OSBPL8: variants seen among roughly 807,000 people sequenced by gnomAD.
The protein encoded by OSBPL8 is oxysterol binding protein like 8.
In OSBPL8, 59 loss-of-function variants were observed where a neutral mutation model predicts 125.5. The ratio of observed to expected loss-of-function variants is 0.47; its 90% CI spans 0.38 to 0.58. OSBPL8 has a LOEUF of 0.58. Ranked by LOEUF, OSBPL8 falls within the 20% of genes least tolerant of loss-of-function variation. OSBPL8 has a pLI of 0.00. For synonymous variants in OSBPL8, 330 were observed against 338.9 expected (o/e 0.97, Z 0.29); for missense variants, 758 against 1,047.8 (o/e 0.72, Z 3.82).
intron 4 of OSBPL8, among the ~76,000 whole-genome samples, chr12:76,437,703 T>C (rs573120342): frequency 1.4e-3 from 208 of 152,306 alleles, no homozygotes; most frequent in Middle Eastern, 6.8e-3. Context: ...TGTTGAGATA[T>C]GGATTCAAAA....
intron 22 of OSBPL8, among the ~76,000 whole-genome samples, chr12:76,357,943 T>A (rs1301032756): frequency 6.6e-6 from 1 of 152,174 alleles, no homozygotes; most frequent in Non-Finnish European, 1.5e-5. Context: ...ACACATTATC[T>A]GACTCGAATA....
intron 4 of OSBPL8, among the ~76,000 whole-genome samples, chr12:76,438,422 G>A (rs1871770012): frequency 6.6e-6 from 1 of 151,264 alleles, no homozygotes; most frequent in Admixed American, 6.6e-5. Context: ...TCCCACCTTA[G>A]CCTCCCAAGT....
At chr12:76,512,318 G>A (rs1881083137) in intron 1 of OSBPL8, among the ~76,000 whole-genome samples, 1 of 152,118 alleles carries the variant, frequency 6.6e-6, no homozygotes, top group South Asian at 2.1e-4. Flanking sequence ...TCTTTTTTAT[G>A]GCTGTATAAT....
intron 6 of OSBPL8, 68 bp from the exon 7 acceptor site, chr12:76,400,042 G>A: frequency 8.3e-7 from 1 of 1,200,496 alleles, no homozygotes; most frequent in Non-Finnish European, 1.2e-6. Flanking sequence ...TAAGTTCAGG[G>A]GTACAAATGC....
intron 2 of OSBPL8, among the ~76,000 whole-genome samples, chr12:76,478,805 G>T (rs1341885975): frequency 2.6e-5 from 4 of 152,146 alleles, no homozygotes; most frequent in Non-Finnish European, 5.9e-5. Flanking sequence ...AGTGTAACAG[G>T]CCGGGCACAG....
At chr12:76,386,386 T>A in intron 13 of OSBPL8, 120 bp from the exon 14 acceptor site, 3 of 1,365,934 alleles carry the variant, frequency 2.2e-6, no homozygotes, top group Non-Finnish European at 2.9e-6. Context: ...AATTTCAAAG[T>A]AAATAAAATT....
At chr12:76,447,704 T>C (rs971554667) in intron 4 of OSBPL8, among the ~76,000 whole-genome samples, 2 of 152,114 alleles carry the variant, frequency 1.3e-5, no homozygotes, top group Non-Finnish European at 2.9e-5. Flanking sequence ...CCACCAAGCC[T>C]GGCTAATTTT....
rs1238387803 is a variant in OSBPL8 at position 76,450,965 on chromosome 12, A to T, written c.103T>A (p.Ser35Thr). ...ATCTTTCCTGGTGTCAGAAGCTGAG[A>T]TTCGTCACTGTTTGCTACAACAGCT... ...PSTVVANSDE[S>T]QLLTPGKMSQ... is the part of the protein sequence containing the mutation. Residue 35 changes from serine (S) to threonine (T), a missense_variant, in exon 4 of 24, where the codon TCT (serine) becomes ACT (threonine). Physicochemically the swap from Ser to Thr is moderately conservative, Grantham distance 58. This residue lies in a region of OSBPL8 where 117 missense variants were observed against 137.1 expected (regional missense o/e 0.85). Transcript: ENST00000261183. The T allele has an allele frequency of 1.9e-6, 3 of 1,613,690 alleles. No homozygotes were observed. Among genetic ancestry groups the T allele is most frequent in the Non-Finnish European group, 2.5e-6 (3 of 1,179,874 alleles).
intron 1 of OSBPL8, among the ~76,000 whole-genome samples, chr12:76,528,278 G>C (rs1950233770): frequency 7.0e-6 from 1 of 142,200 alleles, no homozygotes; most frequent in Non-Finnish European, 1.5e-5. Flanking sequence ...AGTGAGCCAA[G>C]ATCATGCCAC....
At chr12:76,463,524 T>A (rs1452513093) in intron 2 of OSBPL8, among the ~76,000 whole-genome samples, 1 of 152,128 alleles carries the variant, frequency 6.6e-6, no homozygotes, top group African/African-American at 2.4e-5. Context: ...AAATATAAAT[T>A]ATGTATGAGA....
intron 4 of OSBPL8, among the ~76,000 whole-genome samples, chr12:76,431,078 C>A (rs1412774617): frequency 6.6e-6 from 1 of 151,772 alleles, no homozygotes; most frequent in Admixed American, 6.6e-5. Flanking sequence ...GATAGGAACA[C>A]AATACAGAAA....
At position 76,389,846 on chromosome 12, in the gene OSBPL8, A is replaced by G; in HGVS notation, c.1168-17T>C. On this transcript the variant is annotated splice_polypyrimidine_tract_variant and intron_variant, in intron 11 of 23. Transcript: ENST00000261183. The stretch of plus-strand genomic sequence containing the variant: ...CTCACCTGCCTTTATCAATTAATGA[A>G]AATTACCAAAACATTATATTTATTT... 1 of 1,460,978 alleles carries G rather than the reference A, an allele frequency of 6.8e-7. No individual in the cohort carries two copies. Among genetic ancestry groups the G allele is most frequent in the Non-Finnish European group, 9.1e-7 (1 of 1,098,686 alleles). 90.5% of individuals were successfully genotyped at this position (1,460,978 alleles called of 1,614,324 possible). A position where few individuals can be genotyped will look rare whatever the true frequency, so the allele number is the denominator to read the frequency against.
intron 2 of OSBPL8, among the ~76,000 whole-genome samples, chr12:76,460,407 T>C (rs1485852969): frequency 1.6e-4 from 24 of 152,000 alleles, no homozygotes; most frequent in Non-Finnish European, 3.5e-4. Context: ...GTAAGGAACA[T>C]TTATTGAGTG....
At chr12:76,405,249 A>T (rs1342670897) in intron 5 of OSBPL8, among the ~76,000 whole-genome samples, 2 of 152,144 alleles carry the variant, frequency 1.3e-5, no homozygotes, top group African/African-American at 4.8e-5. Flanking sequence ...GCTTGAGCCC[A>T]GGAGTTCAAA....
chr12:76,457,181 C>T (rs1048719378), intron 3 of OSBPL8, among the ~76,000 whole-genome samples: 1 of 152,152 alleles, frequency 6.6e-6, no homozygotes, highest in Non-Finnish European at 1.5e-5. Flanking sequence ...ATTCGCAACA[C>T]CTGAGCTCAT....
chr12:76,413,793 CTATCT>C (rs1273628256), intron 4 of OSBPL8, among the ~76,000 whole-genome samples: 1 of 152,028 alleles, frequency 6.6e-6, no homozygotes, highest in Non-Finnish European at 1.5e-5. Flanking sequence ...AAAAAATCGT[CTATCT>C]TTTCTTATTA....
intron 3 of OSBPL8, among the ~76,000 whole-genome samples, chr12:76,459,585 C>T (rs543050706): frequency 1.3e-5 from 2 of 152,102 alleles, no homozygotes; most frequent in African/African-American, 4.8e-5. Flanking sequence ...AGAAGAGGTC[C>T]CAAATTATGA....
At chr12:76,545,982 AT>A (rs1171097376) in intron 1 of OSBPL8, among the ~76,000 whole-genome samples, 1 of 152,062 alleles carries the variant, frequency 6.6e-6, no homozygotes, top group East Asian at 1.9e-4. Context: ...TTATACACGG[AT>A]TTTTTTCAGC....
chr12:76,390,114 A>G, intron 11 of OSBPL8: 1 of 415,566 alleles, frequency 2.4e-6, no homozygotes, highest in Non-Finnish European at 4.2e-6. Flanking sequence ...TGGCAATAAC[A>G]AAGTTATAAA....
Sources: allele counts gnomAD v4.1 joint callset (sites outside exome capture counted in the v4.1 genomes callset), GRCh38; gene constraint gnomAD v4.1.1; regional missense constraint gnomAD v4.1.1; transcripts MANE v1.5; gene names NCBI Gene and HGNC (gene_info 2026-07-23, HGNC 2026-07-21).